Variants in NEGR1 observed in about 807,000 individuals in gnomAD.
NEGR1 encodes the protein neuronal growth regulator 1, also known as IgLON family member 4.
In NEGR1, 10 loss-of-function variants were observed where a neutral mutation model predicts 40.9. The ratio of observed to expected loss-of-function variants is 0.24; its 90% confidence interval spans 0.15 to 0.42. NEGR1 has a LOEUF of 0.42. Among genes scored for constraint, NEGR1 ranks in the 10% least tolerant of loss-of-function variants. NEGR1 has a pLI of 1.00. For synonymous variants in NEGR1, 185 were observed against 166.8 expected (o/e 1.11, Z -0.84); for missense variants, 352 against 438.9 (o/e 0.80, Z 1.77).
chr1:71,407,567 G>A lies in NEGR1; in HGVS notation c.944C>T (p.Pro315Leu), dbSNP rs747740530. 1.9e-6 allele frequency: 3 copies of A among 1,611,550 alleles called. No individual in the cohort carries two copies. The highest frequency in any genetic ancestry group is 4.5e-5 in the East Asian group (2 of 44,840). ...TTNASLPLNP[P>L]STAQYGITGS... is the part of the protein sequence containing the mutation. ...GGTAATTCCATACTGGGCTGTACTT[G>A]GAGCTGGAAAGAAATGGAAAAGATT... Residue 315 changes from proline to leucine, a missense_variant, in exon 7 of 7, where the codon CCA becomes CTA. Physicochemically the swap from Pro to Leu is moderately conservative, Grantham distance 98. Transcript: ENST00000357731.
chr1:71,528,635 G>C (rs113657696), intron 6 of NEGR1, among the ~76,000 whole-genome samples: 196 of 151,192 alleles, frequency 1.3e-3, no homozygotes, highest in African/African-American at 4.5e-3. Context: ...TACATAATAT[G>C]GTATCTTGTG....
At chr1:71,962,046 C>A (rs761133814) in intron 1 of NEGR1, among the ~76,000 whole-genome samples, 1 of 151,880 alleles carries the variant, frequency 6.6e-6, no homozygotes, top group East Asian at 1.9e-4. Context: ...AAATGACCAA[C>A]AAAGTTGACT....
At chr1:71,955,107 A>G (rs1646108852) in intron 1 of NEGR1, among the ~76,000 whole-genome samples, 1 of 152,146 alleles carries the variant, frequency 6.6e-6, no homozygotes, top group African/African-American at 2.4e-5. Context: ...TGCTTTACAG[A>G]TTACTACAAA....
At chr1:72,173,655 A>ATGAAGACC (rs751323067) in intron 1 of NEGR1, among the ~76,000 whole-genome samples, 6 of 152,040 alleles carry the variant, frequency 3.9e-5, no homozygotes, top group Non-Finnish European at 8.8e-5. Context: ...TGAAAATAAT[A>ATGAAGACC]TGAAGACCGA....
In NEGR1 at chr1:71,649,704, A is replaced by G. The variant is rs1348152923; in HGVS notation, c.668-38558T>C. ...AACTGACAATGAACTTATATTACAT[A>G]AAAAGAAGAAGTCAGACTATAAATG... On this transcript the variant is annotated intron_variant, in intron 4 of 6. Transcript: ENST00000357731. 2.6e-5 allele frequency among the ~76,000 whole-genome samples: 4 copies of G among 152,290 alleles called. No homozygotes were observed. The East Asian group carries it at 7.7e-4, about 29-fold the overall frequency.
At chr1:72,268,654 T>G (rs1655735619) in intron 1 of NEGR1, among the ~76,000 whole-genome samples, 1 of 151,326 alleles carries the variant, frequency 6.6e-6, no homozygotes, top group Non-Finnish European at 1.5e-5. Flanking sequence ...AAAATATAAA[T>G]TTACAAAGAA....
At chr1:71,714,110 G>A (rs1654195527) in intron 3 of NEGR1, among the ~76,000 whole-genome samples, 3 of 152,128 alleles carry the variant, frequency 2.0e-5, no homozygotes. Context: ...GACCTCAGGA[G>A]ACTTACAATC....
intron 2 of NEGR1, among the ~76,000 whole-genome samples, chr1:71,796,352 A>G (rs952677525): frequency 6.6e-6 from 1 of 152,182 alleles, no homozygotes; most frequent in Admixed American, 6.6e-5. Context: ...GTGCAGCACT[A>G]TCATCAACTA....
chr1:71,684,533 A>G (rs2101614359), intron 4 of NEGR1, among the ~76,000 whole-genome samples: 1 of 152,212 alleles, frequency 6.6e-6, no homozygotes, highest in East Asian at 1.9e-4. Context: ...CACATTCTAT[A>G]TTATTTCATC....
At chr1:72,182,755 T>C (rs1219296492) in intron 1 of NEGR1, among the ~76,000 whole-genome samples, 1 of 145,042 alleles carries the variant, frequency 6.9e-6, no homozygotes, top group South Asian at 2.2e-4. Context: ...GACTGATATA[T>C]ATGAGTATCT....
At chr1:71,523,145 C>G (rs1241296593) in intron 6 of NEGR1, among the ~76,000 whole-genome samples, 1 of 151,876 alleles carries the variant, frequency 6.6e-6, no homozygotes, top group Non-Finnish European at 1.5e-5. Context: ...TGATAATCTT[C>G]TTGGAGCCAA....
At chr1:72,008,496 A>T (rs1475168121) in intron 1 of NEGR1, among the ~76,000 whole-genome samples, 1 of 152,188 alleles carries the variant, frequency 6.6e-6, no homozygotes, top group African/African-American at 2.4e-5. Flanking sequence ...ATCTGCAAAC[A>T]GCAATAGAAA....
chr1:72,149,899 AAAG>A (rs1370014576), intron 1 of NEGR1, among the ~76,000 whole-genome samples: 3 of 147,514 alleles, frequency 2.0e-5, no homozygotes, highest in African/African-American at 5.2e-5. Flanking sequence ...AAAAAAAAAA[AAAG>A]AAAGAAAGAA....
chr1:72,234,015 T>A lies in NEGR1; in HGVS notation c.176+48304A>T, dbSNP rs144964712. ...CTTTTATTTTAAGTTCAGGGGTACATGTGCAGGTTTGTTGCATAGGTAAAC... is the reference window on the plus strand; with the variant it reads ...CTTTTATTTTAAGTTCAGGGGTACAAGTGCAGGTTTGTTGCATAGGTAAAC... On this transcript the variant is annotated intron_variant, in intron 1 of 6. Coordinates refer to ENST00000357731, the MANE Select transcript of NEGR1 (RefSeq NM_173808.3). Among the ~76,000 whole-genome samples, 317 of 152,246 alleles carry A rather than the reference T, an allele frequency of 2.1e-3. 2 individuals carry two copies. The highest frequency in any genetic ancestry group is 7.4e-3 in the African/African-American group (309 of 41,562).
intron 1 of NEGR1, among the ~76,000 whole-genome samples, chr1:72,232,077 C>T (rs776962420): frequency 6.6e-6 from 1 of 151,926 alleles, no homozygotes; most frequent in Admixed American, 6.6e-5. Flanking sequence ...GCTTTGGGGC[C>T]GGGCACAGTA....
chr1:71,608,281 G>A (rs533848068), intron 5 of NEGR1, among the ~76,000 whole-genome samples: 39 of 152,164 alleles, frequency 2.6e-4, no homozygotes, highest in East Asian at 1.5e-3. Context: ...TTTTCTATGC[G>A]TGTGAGTGTG....
chr1:71,766,899 T>C (rs932853096), intron 3 of NEGR1, among the ~76,000 whole-genome samples: 1 of 152,188 alleles, frequency 6.6e-6, no homozygotes, highest in African/African-American at 2.4e-5. Context: ...TCTTGCTTTG[T>C]CCTTGTAACA....
At chr1:72,213,455 A>G (rs1653684084) in intron 1 of NEGR1, among the ~76,000 whole-genome samples, 2 of 151,960 alleles carry the variant, frequency 1.3e-5, no homozygotes, top group Non-Finnish European at 2.9e-5. Flanking sequence ...CATATTAGAT[A>G]TTATGAAAAC....
At chr1:72,079,761 A>G (rs950966269) in intron 1 of NEGR1, among the ~76,000 whole-genome samples, 2 of 152,112 alleles carry the variant, frequency 1.3e-5, no homozygotes, top group African/African-American at 4.8e-5. Flanking sequence ...CTCACATTTC[A>G]CTTTCGAATA....
Sources: gnomAD v4.1 joint callset for allele counts (sites outside exome capture counted in the v4.1 genomes callset) on GRCh38, gnomAD v4.1.1 for gene constraint, MANE v1.5 for transcripts, NCBI Gene and HGNC (gene_info 2026-07-23, HGNC 2026-07-21) for gene names.